MCCC2: variants seen among roughly 807,000 people sequenced by gnomAD.
MCCC2 encodes the protein methylcrotonoyl-CoA carboxylase beta chain, mitochondrial.
A neutral mutation model predicts 77.2 loss-of-function variants in MCCC2; 52 were observed. The observed-to-expected ratio is 0.67, with a 90% CI of 0.54 to 0.85. MCCC2 has a LOEUF of 0.85. MCCC2 is among the 40% of genes least tolerant of loss of function. The pLI, the probability that MCCC2 is intolerant of heterozygous loss-of-function variation, is 0.00. For missense variants in MCCC2, 682 were observed against 703.2 expected (o/e 0.97, Z 0.34); for synonymous variants, 253 against 248.4 (o/e 1.02, Z -0.18).
rs780571187 is a variant in MCCC2, at chr5:71,626,797, A to G, written c.738+44A>G. ...TGGTCGATGGAAATTAAGTATGCAGAACATAAAATACACCATTTAAACTAT... is the reference window on the plus strand; with the variant it reads ...TGGTCGATGGAAATTAAGTATGCAGGACATAAAATACACCATTTAAACTAT... On this transcript the variant is annotated intron_variant, in intron 7 of 16. Transcript: ENST00000340941. 1.4e-5 allele frequency: 20 copies of G among 1,472,116 alleles called. No homozygotes were observed. The Admixed American group carries it at 3.2e-4, about 24-fold the overall frequency. The allele number at this position is 1,472,116 out of a possible 1,614,324, so 91.2% of individuals were successfully genotyped here.
intron 3 of MCCC2, among the ~76,000 whole-genome samples, chr5:71,598,361 A>G (rs1020623172): frequency 2.7e-5 from 4 of 150,932 alleles, no homozygotes; most frequent in African/African-American, 9.7e-5. Flanking sequence ...GAGCCACCAC[A>G]CCAGCCGATA....
At chr5:71,640,372 C>T in intron 10 of MCCC2, among the ~76,000 whole-genome samples, 1 of 136,286 alleles carries the variant, frequency 7.3e-6, no homozygotes, top group Non-Finnish European at 1.5e-5. Flanking sequence ...GAATAGTTAG[C>T]ACTTTTTACA....
At position 71,644,033 on chromosome 5, in the gene MCCC2, A is replaced by G. The variant is rs80094732; in HGVS notation, c.1149+138A>G. The stretch of plus-strand genomic sequence containing the variant: ...CAACCAGAACACTGTGTGCGCGGGC[A>G]TGTGTGTGTGTGTGTGTGTGTGTGT... On this transcript the variant is annotated intron_variant, in intron 12 of 16. Transcript: ENST00000340941. The G allele has an allele frequency of 0.06, 33,491 of 557,544 alleles. 893 individuals are homozygous for G. Among genetic ancestry groups the G allele is most frequent in the African/African-American group, 0.083 (3,871 of 46,566 alleles). 34.5% of individuals were successfully genotyped at this position (557,544 alleles called of 1,614,324 possible).
intron 1 of MCCC2, among the ~76,000 whole-genome samples, chr5:71,590,937 C>T (rs1029122146): frequency 6.6e-6 from 1 of 152,064 alleles, no homozygotes; most frequent in African/African-American, 2.4e-5. Context: ...AGAAAAGTTA[C>T]ATACTTTTTT....
chr5:71,603,875 A>C (rs1432114120), intron 5 of MCCC2, among the ~76,000 whole-genome samples: 1 of 152,144 alleles, frequency 6.6e-6, no homozygotes, highest in African/African-American at 2.4e-5. Flanking sequence ...ATGGCTAGGA[A>C]ACACACCTAT....
At chr5:71,591,356 CT>C (rs1209501909) in intron 1 of MCCC2, among the ~76,000 whole-genome samples, 2 of 151,472 alleles carry the variant, frequency 1.3e-5, no homozygotes, top group Non-Finnish European at 2.9e-5. Flanking sequence ...CCCTCTACCT[CT>C]TTTCTACTTC....
chr5:71,588,791 G>A (rs1744857744), intron 1 of MCCC2, among the ~76,000 whole-genome samples: 1 of 152,162 alleles, frequency 6.6e-6, no homozygotes, highest in Admixed American at 6.5e-5. Flanking sequence ...TTATGAAAGT[G>A]TATATCTGGT....
At chr5:71,631,207 A>G (rs995474417) in intron 7 of MCCC2, among the ~76,000 whole-genome samples, 2 of 152,228 alleles carry the variant, frequency 1.3e-5, no homozygotes, top group Non-Finnish European at 2.9e-5. Context: ...CAAGGAATTC[A>G]CAGCATAGAG....
At chr5:71,630,551 C>G (rs542945818) in intron 7 of MCCC2, among the ~76,000 whole-genome samples, 7 of 151,680 alleles carry the variant, frequency 4.6e-5, no homozygotes, top group African/African-American at 1.7e-4. Context: ...CTTTTTGCAA[C>G]TTTAAATATC....
At chr5:71,635,088 T>C (rs1746871144) in intron 9 of MCCC2, 46 bp downstream of exon 9, 2 of 1,612,670 alleles carry the variant, frequency 1.2e-6, no homozygotes, top group Non-Finnish European at 1.7e-6. Flanking sequence ...TGAAATGCAT[T>C]TTGACTCACT....
intron 12 of MCCC2, among the ~76,000 whole-genome samples, chr5:71,644,754 T>G (rs1747232852): frequency 6.6e-6 from 1 of 152,154 alleles, no homozygotes; most frequent in Non-Finnish European, 1.5e-5. Context: ...TAATAGGCAG[T>G]TAAGCTCTTT....
chr5:71,626,850 T>G, intron 7 of MCCC2, 97 bp downstream of exon 7: 2 of 1,129,284 alleles, frequency 1.8e-6, no homozygotes, highest in South Asian at 2.6e-5. Context: ...AATATTGTGA[T>G]AAAATATGCA....
chr5:71,656,069 G>C (rs893925690), intron 16 of MCCC2, among the ~76,000 whole-genome samples: 1 of 152,164 alleles, frequency 6.6e-6, no homozygotes, highest in African/African-American at 2.4e-5. Context: ...ACAAAAATTA[G>C]CCAAGTGTGG....
At chr5:71,637,070 G>C (rs894964513) in intron 10 of MCCC2, among the ~76,000 whole-genome samples, 6 of 152,128 alleles carry the variant, frequency 3.9e-5, no homozygotes, top group African/African-American at 1.4e-4. Flanking sequence ...TAAAAAAAAT[G>C]TATTAAAGTT....
intron 6 of MCCC2, among the ~76,000 whole-genome samples, chr5:71,618,655 G>T (rs112394469): frequency 6.6e-6 from 1 of 151,652 alleles, no homozygotes; most frequent in Non-Finnish European, 1.5e-5. Flanking sequence ...CAAAGCATTG[G>T]GATTATAAGC....
chr5:71,633,113 A>T (rs373387910), intron 8 of MCCC2, among the ~76,000 whole-genome samples: 7 of 34,134 alleles, frequency 2.1e-4, no homozygotes, highest in Admixed American at 1.4e-3. Flanking sequence ...ATATATATAT[A>T]TATATATATA....
At chr5:71,609,236 G>C (rs1745816902) in intron 6 of MCCC2, among the ~76,000 whole-genome samples, 1 of 149,710 alleles carries the variant, frequency 6.7e-6, no homozygotes, top group African/African-American at 2.4e-5. Flanking sequence ...TTTTCACATA[G>C]TCCCATATTT....
At chr5:71,618,258 G>C (rs1156335065) in intron 6 of MCCC2, among the ~76,000 whole-genome samples, 1 of 152,130 alleles carries the variant, frequency 6.6e-6, no homozygotes, top group East Asian at 1.9e-4. Flanking sequence ...GAGGTAATTA[G>C]GTCATGAGAG....
At position 71,632,199 on chromosome 5, in the gene MCCC2, G is replaced by C. The variant is rs1208491329; in HGVS notation, c.803+14G>C. On this transcript the variant is annotated intron_variant, in intron 8 of 16. Transcript: ENST00000340941. Reference sequence around the variant, plus strand: ...TCTTCATTGCAGGTGAAACAGAAATGGTTGTTTCTTTCCGGGATTGAGTGT... The same window carrying C: ...TCTTCATTGCAGGTGAAACAGAAATCGTTGTTTCTTTCCGGGATTGAGTGT... 4 of 1,612,988 alleles carry C rather than the reference G, an allele frequency of 2.5e-6. No individual in the cohort carries two copies. The highest frequency in any genetic ancestry group is 3.4e-6 in the Non-Finnish European group (4 of 1,179,078).
Sources: gnomAD v4.1 joint callset for allele counts (sites outside exome capture counted in the v4.1 genomes callset) on GRCh38, gnomAD v4.1.1 for gene constraint, MANE v1.5 for transcripts, NCBI Gene and HGNC (gene_info 2026-07-23, HGNC 2026-07-21) for gene names.